The following PRR13 variants were observed in gnomAD, a reference collection of about 807,000 sequenced individuals.
PRR13 encodes proline-rich protein 13.
In PRR13, 7 loss-of-function variants were observed where a neutral mutation model predicts 11.5. That is an observed-to-expected ratio of 0.61 (90% CI 0.34 to 1.14). The LOEUF (loss-of-function observed/expected upper bound fraction) is 1.14, where lower values mean the gene tolerates loss of function less well. Among genes scored for constraint, PRR13 ranks in the 50% most tolerant of loss-of-function variants. PRR13 has a pLI of 0.03. For synonymous variants in PRR13, 53 were observed against 67.8 expected (o/e 0.78, Z 1.07); for missense variants, 155 against 194.4 (o/e 0.80, Z 1.21).
intron 3 of PRR13, among the ~76,000 whole-genome samples, chr12:53,444,984 T>G (rs1426644943): frequency 3.9e-5 from 6 of 152,202 alleles, no homozygotes; most frequent in Non-Finnish European, 2.9e-5. Flanking sequence ...TGATGAGGCC[T>G]CCATTTACAT....
rs1039005284 is a variant in PRR13 at position 53,446,313 on chromosome 12, A to T, written c.*254A>T. The T allele has an allele frequency of 2.0e-5, 9 of 442,906 alleles. No homozygotes were observed. Among genetic ancestry groups the T allele is most frequent in the Non-Finnish European group, 7.7e-6 (2 of 259,632 alleles). 27.4% of individuals were successfully genotyped at this position (442,906 alleles called of 1,614,324 possible). A position where few individuals can be genotyped will look rare whatever the true frequency, so the allele number is the denominator to read the frequency against. ...GCAGGGGAGCTATTTTTTGAAGATGATGAACTAAATGTTGAAGACAAGTTT... is the reference window on the plus strand; with the variant it reads ...GCAGGGGAGCTATTTTTTGAAGATGTTGAACTAAATGTTGAAGACAAGTTT... On this transcript the variant is annotated 3_prime_UTR_variant, in exon 4 of 4. Transcript: ENST00000429243.
chr12:53,443,692 G>C lies in PRR13; in HGVS notation c.321G>C (p.Lys107Asn). 1 of 1,614,192 alleles carries C rather than the reference G, an allele frequency of 6.2e-7. No individual in the cohort carries two copies. The highest frequency in any genetic ancestry group is 8.5e-7 in the Non-Finnish European group (1 of 1,180,044). ...GMVGPAVIVD[K>N]KMQKKMKKAH... is the part of the protein sequence containing the mutation. ...TTGGACCAGCAGTGATAGTAGACAA[G>C]AAGATGCAGAAGAAAATGAAGAAAG... The change falls in exon 3 of 4, where the codon AAG becomes AAC. Residue 107 changes from lysine to asparagine, a missense_variant. Lys to Asn is a moderately conservative substitution (Grantham distance 94). Coordinates refer to ENST00000429243, the MANE Select transcript of PRR13 (RefSeq NM_018457.4).
At chr12:53,445,339 C>A in intron 3 of PRR13, among the ~76,000 whole-genome samples, 1 of 132,326 alleles carries the variant, frequency 7.6e-6, no homozygotes. Context: ...CTGGGTGAAA[C>A]TCCGTCTAAA....
In PRR13 at chr12:53,442,735, T is replaced by TA. The variant is rs746374422; in HGVS notation, c.19+3dup. ...TAAACATGTGGAATCCCAATGCCGG[T>TA]AGGTGTTTGGGGGTTCTGTTCCACC... On this transcript the variant is annotated splice_region_variant and intron_variant, in intron 2 of 3. Coordinates refer to ENST00000429243, the MANE Select transcript of PRR13 (RefSeq NM_018457.4). The TA allele has an allele frequency of 2.9e-5, 46 of 1,610,700 alleles. No homozygotes were observed. The Admixed American group carries it at 3.5e-4, about 12-fold the overall frequency.
At chr12:53,444,811 T>C (rs910794254) in intron 3 of PRR13, among the ~76,000 whole-genome samples, 7 of 151,862 alleles carry the variant, frequency 4.6e-5, no homozygotes, top group South Asian at 2.1e-4. Flanking sequence ...GGCAGGAGAA[T>C]TGCTTGAACC....
At chr12:53,442,820 C>CCG (rs1940321517) in intron 2 of PRR13, 87 bp downstream of exon 2, 1 of 1,426,736 alleles carries the variant, frequency 7.0e-7, no homozygotes, top group Admixed American at 1.7e-5. Context: ...TCCCCTACCC[C>CCG]CGACCTGCTG....
At chr12:53,442,000 G>A (rs1592616404) in intron 1 of PRR13, 2 of 604,612 alleles carry the variant, frequency 3.3e-6, no homozygotes, top group East Asian at 5.5e-5. Flanking sequence ...CTGAGGTGGG[G>A]TCCTCCCCAG....
intron 3 of PRR13, 133 bp from the exon 4 acceptor site, chr12:53,445,882 A>T: frequency 7.6e-7 from 1 of 1,317,054 alleles, no homozygotes; most frequent in Non-Finnish European, 1.1e-6. Context: ...TCTGTTCAAG[A>T]CTCCTGACCT....
At chr12:53,444,101 G>A (rs1389506104) in intron 3 of PRR13, 3 of 432,546 alleles carry the variant, frequency 6.9e-6, no homozygotes, top group South Asian at 7.3e-5. Context: ...AGTTGGACAC[G>A]CCCACTGACA....
intron 1 of PRR13, chr12:53,442,367 C>G: frequency 3.8e-6 from 1 of 264,014 alleles, no homozygotes; most frequent in Non-Finnish European, 7.3e-6. Context: ...GACTCAGCCT[C>G]CCGAATAACT....
At chr12:53,445,986 T>TTCCC in intron 3 of PRR13, 29 bp from the exon 4 acceptor site, 9 of 1,611,996 alleles carry the variant, frequency 5.6e-6, no homozygotes, top group Non-Finnish European at 7.6e-6. Flanking sequence ...GATGCTATCT[T>TTCCC]CTTTCCCCTT....
At chr12:53,445,097 A>G (rs910814943) in intron 3 of PRR13, among the ~76,000 whole-genome samples, 1 of 152,238 alleles carries the variant, frequency 6.6e-6, no homozygotes, top group Middle Eastern at 3.4e-3. Flanking sequence ...CACACCTGTA[A>G]TCCCAGCACT....
intron 1 of PRR13, 160 bp downstream of exon 1, chr12:53,441,952 CCTT>C: frequency 1.6e-6 from 1 of 632,232 alleles, no homozygotes; most frequent in South Asian, 1.8e-5. Flanking sequence ...TGGGCAACTT[CCTT>C]CTTACTTCGC....
rs1469619749 is a variant in PRR13 at position 53,446,299 on chromosome 12, A to C, written c.*240A>C. 1 of 493,980 alleles carries C rather than the reference A, an allele frequency of 2.0e-6. No homozygotes were observed. Among genetic ancestry groups the C allele is most frequent in the African/African-American group, 2.0e-5 (1 of 50,650 alleles). 30.6% of individuals were successfully genotyped at this position (493,980 alleles called of 1,614,324 possible). On this transcript the variant is annotated 3_prime_UTR_variant, in exon 4 of 4. Coordinates refer to ENST00000429243, the MANE Select transcript of PRR13 (RefSeq NM_018457.4). ...AGCTAATGAATTAGGCAGGGGAGCT[A>C]TTTTTTGAAGATGATGAACTAAATG...
chr12:53,444,657 G>T (rs1940366993), intron 3 of PRR13, among the ~76,000 whole-genome samples: 1 of 152,226 alleles, frequency 6.6e-6, no homozygotes, highest in African/African-American at 2.4e-5. Flanking sequence ...CAGCTCCAAG[G>T]CTAAGTATCT....
intron 3 of PRR13, among the ~76,000 whole-genome samples, chr12:53,444,905 A>G (rs1940372289): frequency 6.6e-6 from 1 of 152,154 alleles, no homozygotes; most frequent in African/African-American, 2.4e-5. Context: ...TCAAACAAAC[A>G]AACAAAAAAT....
chr12:53,442,502 CA>C (rs1341774448), intron 1 of PRR13, 192 bp from the exon 2 acceptor site: 1 of 505,948 alleles, frequency 2.0e-6, no homozygotes, highest in Non-Finnish European at 3.6e-6. Flanking sequence ...CTCGGCCTCC[CA>C]AAGTGCTGGG....
chr12:53,443,961 C>T (rs1033477456), intron 3 of PRR13, 188 bp downstream of exon 3: 1 of 781,036 alleles, frequency 1.3e-6, no homozygotes, highest in Non-Finnish European at 2.0e-6. Context: ...TGAAAATAAA[C>T]ATCAGGCTTC....
intron 1 of PRR13, chr12:53,442,333 C>T (rs1940308033): frequency 3.9e-6 from 1 of 257,360 alleles, no homozygotes; most frequent in African/African-American, 2.3e-5. Flanking sequence ...CAACCTCTGC[C>T]TCCCGGGTTC....
Sources: gnomAD v4.1 joint callset for allele counts (sites outside exome capture counted in the v4.1 genomes callset) on GRCh38, gnomAD v4.1.1 for gene constraint, MANE v1.5 for transcripts, NCBI Gene and HGNC (gene_info 2026-07-23, HGNC 2026-07-21) for gene names.